NBPF26: variants seen among roughly 807,000 people sequenced by gnomAD.
NBPF26 encodes NBPF member 26.
Under a neutral mutation model 119.6 loss-of-function variants are expected in NBPF26, and 79 were observed. That is an observed-to-expected ratio of 0.66 (90% CI 0.55 to 0.80). NBPF26 has a LOEUF of 0.80. NBPF26 is among the 30% of genes least tolerant of loss of function. The probability of loss-of-function intolerance (pLI) is 0.00; values close to 1 mark genes in which losing one functional copy is unlikely to be tolerated. For synonymous variants in NBPF26, 299 were observed against 457.7 expected, an observed-to-expected ratio of 0.65 and a Z score of 4.43; for missense variants, 800 against 1,198.2, an observed-to-expected ratio of 0.67 and a Z score of 4.91.
At position 120,836,459 on chromosome 1, in the gene NBPF26, T is replaced by G; in HGVS notation, c.3545-58T>G. On this transcript the variant is annotated intron_variant, in intron 24 of 29. Coordinates refer to ENST00000620612, the Ensembl canonical transcript of NBPF26. ...CCTGTGTGAGGATTAGACAGTGGAT[T>G]GTTATGTGTGTAGGAGAACCAGCTT... 4.7e-5 allele frequency: 3 copies of G among 63,356 alleles called. 1 individual carries two copies. 3.9% of individuals were successfully genotyped at this position (63,356 alleles called of 1,614,324 possible).
chr1:120,792,421 C>T (rs1297609681), intron 3 of NBPF26, among the ~76,000 whole-genome samples: 2 of 86,132 alleles, frequency 2.3e-5, no homozygotes, highest in African/African-American at 7.7e-5. Context: ...GTGAGGGGCA[C>T]TAAGGATGAC....
In NBPF26 at chr1:120,765,156, T is replaced by C. The variant is rs1305719049; in HGVS notation, c.155+1447T>C. The stretch of plus-strand genomic sequence containing the variant: ...TTATGAGCTGCTCATTTAGTTTTTC[T>C]AGCTGGGGGAAAAAAAAAACATGTG... On this transcript the variant is annotated intron_variant, in intron 2 of 29. Transcript: ENST00000620612. Among the ~76,000 whole-genome samples, 2 of 121,868 alleles carry C rather than the reference T, an allele frequency of 1.6e-5. 1 individual carries two copies. Among genetic ancestry groups the C allele is most frequent in the African/African-American group, 8.3e-5 (2 of 24,140 alleles). 80.0% of individuals were successfully genotyped at this position (121,868 alleles called of 152,430 possible).
intron 5 of NBPF26, among the ~76,000 whole-genome samples, chr1:120,807,032 A>G (rs1375954908): frequency 4.6e-5 from 6 of 130,248 alleles, no homozygotes; most frequent in Admixed American, 4.4e-4. Context: ...GCTGCCTCTC[A>G]TACTAATAAA....
chr1:120,828,560 TTG>T (rs1652272102), intron 18 of NBPF26, among the ~76,000 whole-genome samples: 1 of 79,844 alleles, frequency 1.3e-5, no homozygotes, highest in Non-Finnish European at 2.1e-5. Context: ...AACTCTGATT[TTG>T]TCTCAATTTT....
intron 15 of NBPF26, among the ~76,000 whole-genome samples, chr1:120,820,446 AAATATATAT>A (rs1181292021): frequency 5.9e-4 from 13 of 22,150 alleles, no homozygotes; most frequent in East Asian, 1.5e-3. Flanking sequence ...AAAGTATTAA[AAATATATAT>A]ATATATATAT....
intron 1 of NBPF26, among the ~76,000 whole-genome samples, chr1:120,728,631 C>G (rs1222973962): frequency 3.4e-5 from 4 of 117,182 alleles, no homozygotes; most frequent in Non-Finnish European, 6.5e-5. Context: ...CCAGAATAGC[C>G]ACACCTTACT....
rs1483735576 is a variant in NBPF26 at position 120,737,798 on chromosome 1, A to G, written c.73+13548A>G. 5.0e-5 allele frequency among the ~76,000 whole-genome samples: 6 copies of G among 120,844 alleles called. 2 individuals carry two copies. The highest frequency in any genetic ancestry group is 1.0e-4 in the Non-Finnish European group (6 of 59,868). 79.3% of individuals were successfully genotyped at this position (120,844 alleles called of 152,430 possible). A position where few individuals can be genotyped will look rare whatever the true frequency, so the allele number is the denominator to read the frequency against. On this transcript the variant is annotated intron_variant, in intron 1 of 29. Transcript: ENST00000620612. ...TCTCAGAAAAGGGCTTTATATTTTA[A>G]CATTTGTTTCCCTTGACAGTTTGCT...
intron 4 of NBPF26, among the ~76,000 whole-genome samples, chr1:120,801,522 A>G (rs1553269019): frequency 1.7e-4 from 5 of 30,018 alleles, no homozygotes; most frequent in East Asian, 1.1e-3. Context: ...TATTTTCATT[A>G]AAAAAAAAAA....
chr1:120,804,333 G>A (rs1651624869), intron 4 of NBPF26, among the ~76,000 whole-genome samples: 1 of 106,416 alleles, frequency 9.4e-6, no homozygotes. Context: ...CTACTGCACA[G>A]CAACACTGAG....
In NBPF26 at chr1:120,730,530, G is replaced by A. The variant is rs1469108810; in HGVS notation, c.73+6280G>A. Among the ~76,000 whole-genome samples, 2 of 99,628 alleles carry A rather than the reference G, an allele frequency of 2.0e-5. 1 individual carries two copies. The highest frequency in any genetic ancestry group is 3.7e-5 in the Non-Finnish European group (2 of 54,726). The allele number at this position is 99,628 out of a possible 152,430, so 65.4% of individuals were successfully genotyped here. A position where few individuals can be genotyped will look rare whatever the true frequency, so the allele number is the denominator to read the frequency against. ...TGAAAGGATATGCTCATAGGCTTGA[G>A]ACGGGACAAACTGCATCACTGGTAG... On this transcript the variant is annotated intron_variant, in intron 1 of 29. Transcript: ENST00000620612.
Position 120,832,674 on chromosome 1 carries a change from A to T in NBPF26, c.3263-201A>T, listed in dbSNP as rs1199928020. 4.1e-5 allele frequency among the ~76,000 whole-genome samples: 5 copies of T among 121,154 alleles called. 2 individuals are homozygous for T. The highest frequency in any genetic ancestry group is 2.3e-4 in the African/African-American group (5 of 21,594). The allele number at this position is 121,154 out of a possible 152,430, so 79.5% of individuals were successfully genotyped here. A position where few individuals can be genotyped will look rare whatever the true frequency, so the allele number is the denominator to read the frequency against. On this transcript the variant is annotated intron_variant, in intron 22 of 29. Coordinates refer to ENST00000620612, the Ensembl canonical transcript of NBPF26. ...GGGATAACGATCTACTAGAATAGGG[A>T]CACTTTACCCACAGTTTCTGGGAGA...
At position 120,822,066 on chromosome 1, in the gene NBPF26, T is replaced by C. The variant is rs1375167998; in HGVS notation, c.2424-38T>C. On this transcript the variant is annotated intron_variant, in intron 15 of 29. Transcript: ENST00000620612. ...GTTTTGTTGTCTAAAGTCTGTTGGT[T>C]AAATCTTCTGTCATCCCTGTCCTGC... 34 of 1,447,560 alleles carry C rather than the reference T, an allele frequency of 2.3e-5. 7 individuals carry two copies. The South Asian group carries it at 4.1e-4, about 17-fold the overall frequency. The allele number at this position is 1,447,560 out of a possible 1,614,324, so 89.7% of individuals were successfully genotyped here.
In NBPF26 at chr1:120,790,985, AAT is replaced by A. The variant is rs1408757128; in HGVS notation, c.416-2174_416-2173del. ...GCATTTATATCTCTTCTCCACTGTA[AAT>A]AAGTGCCTCTTAGTGACATGAGTGG... is the stretch of plus-strand genomic sequence containing the variant. On this transcript the variant is annotated intron_variant, in intron 3 of 29. Coordinates refer to ENST00000620612, the Ensembl canonical transcript of NBPF26. 6.4e-5 allele frequency among the ~76,000 whole-genome samples: 5 copies of A among 77,978 alleles called. No homozygotes were observed. In the Admixed American group the frequency reaches 6.6e-4, roughly 10 times the overall value. 51.2% of individuals were successfully genotyped at this position (77,978 alleles called of 152,430 possible).
chr1:120,813,079 C>T (rs1457240121), intron 10 of NBPF26, among the ~76,000 whole-genome samples: 1 of 119,144 alleles, frequency 8.4e-6, no homozygotes, highest in African/African-American at 4.6e-5. Flanking sequence ...GTGGAGATAG[C>T]AGTGCAGTGT....
Position 120,840,299 on chromosome 1 carries a change from G to T in NBPF26, c.4104-51G>T, listed in dbSNP as rs1553273378. 1.2e-5 allele frequency: 17 copies of T among 1,443,994 alleles called. 5 individuals carry two copies. The highest frequency in any genetic ancestry group is 3.9e-5 in the Admixed American group (2 of 51,594). The allele number at this position is 1,443,994 out of a possible 1,614,324, so 89.4% of individuals were successfully genotyped here. ...TACTTCTGAAATCTAGTGGGGCTCT[G>T]TGGTGTCCGATTTTCCCTGGCTGCT... On this transcript the variant is annotated intron_variant, in intron 29 of 29. Transcript: ENST00000620612.
chr1:120,724,465 C>T lies in NBPF26; in HGVS notation c.73+215C>T, dbSNP rs1308170067. Reference sequence around the variant, plus strand: ...TGGGGTTCCCCGCCGCCTCTGCTCCCCGCGGCCCGGGACCCCTCACACGCC... The same window carrying T: ...TGGGGTTCCCCGCCGCCTCTGCTCCTCGCGGCCCGGGACCCCTCACACGCC... On this transcript the variant is annotated intron_variant, in intron 1 of 29. Transcript: ENST00000620612. 8.6e-4 allele frequency among the ~76,000 whole-genome samples: 104 copies of T among 121,458 alleles called. 31 individuals are homozygous for T. Among genetic ancestry groups the T allele is most frequent in the African/African-American group, 4.4e-3 (99 of 22,406 alleles). 79.7% of individuals were successfully genotyped at this position (121,458 alleles called of 152,430 possible).
chr1:120,840,367 T>C (rs1652487056), exon 30 of NBPF26: 1 of 1,458,714 alleles, frequency 6.9e-7, no homozygotes. Flanking sequence ...AGCATGCTGA[T>C]GGAAGTGGAA....
rs1365315413 is a variant in NBPF26, at chr1:120,804,748, G to A, written c.752-808G>A. Among the ~76,000 whole-genome samples the A allele has an allele frequency of 6.8e-5, 8 of 117,106 alleles. 1 individual carries two copies. The East Asian group carries it at 1.7e-3, about 24-fold the overall frequency. The allele number at this position is 117,106 out of a possible 152,430, so 76.8% of individuals were successfully genotyped here. A position where few individuals can be genotyped will look rare whatever the true frequency, so the allele number is the denominator to read the frequency against. ...TAGGGATGTCAAACTGGTCTAGAAT[G>A]TAATGAAAACCCAAGAAGGTGCCCC... On this transcript the variant is annotated intron_variant, in intron 4 of 29. Transcript: ENST00000620612.
In NBPF26 at chr1:120,806,548, G is replaced by T. The variant is rs1423567575; in HGVS notation, c.961+783G>T. On this transcript the variant is annotated intron_variant, in intron 5 of 29. Coordinates refer to ENST00000620612, the Ensembl canonical transcript of NBPF26. ...GCAGATGTTGCAGTGAGCCAAGATT[G>T]CACTATTGAACTCCAGCATGGGTGA... Among the ~76,000 whole-genome samples, 39 of 125,008 alleles carry T rather than the reference G, an allele frequency of 3.1e-4. 9 individuals carry two copies. The highest frequency in any genetic ancestry group is 5.5e-4 in the Non-Finnish European group (34 of 61,300). The allele number at this position is 125,008 out of a possible 152,430, so 82.0% of individuals were successfully genotyped here.
Sources: allele counts gnomAD v4.1 joint callset (sites outside exome capture counted in the v4.1 genomes callset), GRCh38; gene constraint gnomAD v4.1.1; transcripts MANE v1.5; gene names NCBI Gene and HGNC (gene_info 2026-07-23, HGNC 2026-07-21).